Variants in TMTC2 observed in about 807,000 individuals in gnomAD.
The protein encoded by TMTC2 is transmembrane O-mannosyltransferase targeting cadherins 2, also known as protein O-mannosyl-transferase TMTC2.
TMTC2 carries 43 observed loss-of-function variants against 82.4 expected under a neutral mutation model. That is an observed-to-expected ratio of 0.52 (90% CI 0.41 to 0.67). The LOEUF is 0.67. TMTC2 is among the 30% of genes least tolerant of loss of function. The probability of loss-of-function intolerance (pLI) is 0.00; values close to 1 mark genes in which losing one functional copy is unlikely to be tolerated. For missense variants in TMTC2, 919 were observed against 1,012.4 expected, an observed-to-expected ratio of 0.91 and a Z score of 1.25; for synonymous variants, 408 against 381.9, an observed-to-expected ratio of 1.07 and a Z score of -0.80.
chr12:82,975,636 T>A (rs868189783), intron 7 of TMTC2, among the ~76,000 whole-genome samples: 20 of 152,128 alleles, frequency 1.3e-4, no homozygotes, highest in African/African-American at 4.6e-4. Flanking sequence ...ATTTATAATA[T>A]AAATAAATTA....
At chr12:82,801,996 G>C (rs149546313) in intron 1 of TMTC2, among the ~76,000 whole-genome samples, 2,376 of 152,160 alleles carry the variant, frequency 0.016, 61 homozygotes, top group African/African-American at 0.053. Flanking sequence ...CTGCACGGGG[G>C]CACAGGTGGA....
chr12:83,074,291 C>G (rs1186526510), intron 11 of TMTC2, among the ~76,000 whole-genome samples: 1 of 152,134 alleles, frequency 6.6e-6, no homozygotes, highest in Non-Finnish European at 1.5e-5. Context: ...CGTGCTGGTA[C>G]TGGGGGTTGT....
intron 1 of TMTC2, among the ~76,000 whole-genome samples, chr12:82,809,573 T>G (rs1262169893): frequency 6.6e-6 from 1 of 152,172 alleles, no homozygotes; most frequent in African/African-American, 2.4e-5. Flanking sequence ...GTCTACAAAT[T>G]GGATTTTTAA....
intron 8 of TMTC2, among the ~76,000 whole-genome samples, chr12:83,004,574 TA>T (rs1880069010): frequency 6.6e-6 from 1 of 152,032 alleles, no homozygotes; most frequent in South Asian, 2.1e-4. Flanking sequence ...TTATATTCTT[TA>T]TTTATCTTAA....
intron 2 of TMTC2, among the ~76,000 whole-genome samples, chr12:82,860,096 C>T (rs138122665): frequency 9.8e-4 from 149 of 152,216 alleles, no homozygotes; most frequent in African/African-American, 3.5e-3. Flanking sequence ...GCCCCAGCCT[C>T]CTGAGTATCT....
At position 82,901,998 on chromosome 12, in the gene TMTC2, C is replaced by T. The variant is rs535614220; in HGVS notation, c.1483+5352C>T. On this transcript the variant is annotated intron_variant, in intron 3 of 11. Transcript: ENST00000321196. Reference sequence around the variant, plus strand: ...CCTTCACCAAGTGTTTCTTCTCTTTCCTTATGTCCCACTCCAGTTAAGACA... The same window carrying T: ...CCTTCACCAAGTGTTTCTTCTCTTTTCTTATGTCCCACTCCAGTTAAGACA... Among the ~76,000 whole-genome samples the T allele has an allele frequency of 9.2e-5, 14 of 152,280 alleles. 1 individual carries two copies. Among genetic ancestry groups the T allele is most frequent in the African/African-American group, 3.4e-4 (14 of 41,552 alleles).
chr12:82,800,493 C>G (rs1054097458), intron 1 of TMTC2, among the ~76,000 whole-genome samples: 2 of 152,098 alleles, frequency 1.3e-5, no homozygotes, highest in Non-Finnish European at 2.9e-5. Context: ...CAAGCTGTTG[C>G]ATTTATTGTG....
At chr12:82,867,916 C>T (rs556229981) in intron 2 of TMTC2, among the ~76,000 whole-genome samples, 8 of 152,286 alleles carry the variant, frequency 5.3e-5, no homozygotes, top group East Asian at 1.9e-4. Context: ...AATCTTTTCA[C>T]GCAGAGATGC....
chr12:82,780,231 G>A (rs1001372119), intron 1 of TMTC2, among the ~76,000 whole-genome samples: 2 of 152,110 alleles, frequency 1.3e-5, no homozygotes, highest in African/African-American at 4.8e-5. Flanking sequence ...TAATCTTACA[G>A]TGAATGAAAA....
chr12:82,880,481 AG>A, intron 2 of TMTC2, among the ~76,000 whole-genome samples: 1 of 152,362 alleles, frequency 6.6e-6, no homozygotes. Flanking sequence ...AAGGGGACAA[AG>A]ACAGCCAGTG....
At chr12:82,750,423 G>A (rs1203278854) in intron 1 of TMTC2, among the ~76,000 whole-genome samples, 1 of 152,082 alleles carries the variant, frequency 6.6e-6, no homozygotes, top group Non-Finnish European at 1.5e-5. Context: ...TAGGGGCTTA[G>A]AGGATCTTGT....
intron 3 of TMTC2, among the ~76,000 whole-genome samples, chr12:82,908,651 G>T (rs570588231): frequency 9.9e-5 from 15 of 151,970 alleles, no homozygotes; most frequent in Non-Finnish European, 1.9e-4. Flanking sequence ...TAAAATCAAT[G>T]ATCTTAACCT....
Position 83,132,524 on chromosome 12 carries a change from G to T in TMTC2, c.*135G>T, listed in dbSNP as rs181206731. 2 of 969,228 alleles carry T rather than the reference G, an allele frequency of 2.1e-6. No homozygotes were observed. The highest frequency in any genetic ancestry group is 3.0e-6 in the Non-Finnish European group (2 of 672,178). The allele number at this position is 969,228 out of a possible 1,614,324, so 60.0% of individuals were successfully genotyped here. On this transcript the variant is annotated 3_prime_UTR_variant, in exon 12 of 12. Coordinates refer to ENST00000321196, the MANE Select transcript of TMTC2 (RefSeq NM_152588.3). ...GGCAGAGGTCATTGAGGTCACTACC[G>T]CTTCTGGAAGAATCCACTTTGCTGT...
chr12:82,919,841 C>A (rs571584129), intron 3 of TMTC2, among the ~76,000 whole-genome samples: 1 of 152,304 alleles, frequency 6.6e-6, no homozygotes, highest in Admixed American at 6.5e-5. Flanking sequence ...CTGAGAACTG[C>A]CACGCCCATG....
At chr12:83,079,779 C>T (rs573356889) in intron 11 of TMTC2, among the ~76,000 whole-genome samples, 1 of 152,242 alleles carries the variant, frequency 6.6e-6, no homozygotes, top group Admixed American at 6.5e-5. Context: ...ACCTAAACAA[C>T]AAATCCAAAA....
chr12:82,884,211 C>T (rs780635039), intron 2 of TMTC2, among the ~76,000 whole-genome samples: 2 of 152,130 alleles, frequency 1.3e-5, no homozygotes, highest in South Asian at 2.1e-4. Flanking sequence ...GATTTCCCCA[C>T]GTTAGTTTAA....
intron 1 of TMTC2, among the ~76,000 whole-genome samples, chr12:82,802,764 G>C (rs1381585293): frequency 1.3e-5 from 2 of 152,126 alleles, no homozygotes; most frequent in African/African-American, 4.8e-5. Context: ...GGTTGTAGAA[G>C]GTTGATGATA....
chr12:82,933,182 A>G (rs1421574763), intron 4 of TMTC2, among the ~76,000 whole-genome samples: 4 of 152,208 alleles, frequency 2.6e-5, no homozygotes, highest in Non-Finnish European at 5.9e-5. Flanking sequence ...CTTAAATTCC[A>G]CAAGAAATAT....
intron 3 of TMTC2, among the ~76,000 whole-genome samples, chr12:82,909,008 T>A (rs531296101): frequency 2.6e-5 from 4 of 152,218 alleles, no homozygotes; most frequent in Non-Finnish European, 4.4e-5. Context: ...AGGCAACAGA[T>A]GTAGTATTGC....
Sources: allele counts gnomAD v4.1 joint callset (sites outside exome capture counted in the v4.1 genomes callset), GRCh38; gene constraint gnomAD v4.1.1; transcripts MANE v1.5; gene names NCBI Gene and HGNC (gene_info 2026-07-23, HGNC 2026-07-21).